Variants in APEH observed in about 807,000 individuals in gnomAD.
APEH encodes acylaminoacyl-peptide hydrolase, also known as acylamino-acid-releasing enzyme.
Under a neutral mutation model 102.7 loss-of-function variants are expected in APEH, and 75 were observed. The ratio of observed to expected loss-of-function variants is 0.73; its 90% CI spans 0.61 to 0.89. The LOEUF (loss-of-function observed/expected upper bound fraction) is 0.89, where lower values mean the gene tolerates loss of function less well. Among genes scored for constraint, APEH ranks in the 40% least tolerant of loss-of-function variants. APEH has a pLI of 0.00. For synonymous variants in APEH, 344 were observed against 362.7 expected, an observed-to-expected ratio of 0.95 and a Z score of 0.59; for missense variants, 863 against 941.2, an observed-to-expected ratio of 0.92 and a Z score of 1.09.
intron 2 of APEH, 107 bp downstream of exon 2, chr3:49,674,728 A>G: frequency 7.0e-7 from 1 of 1,431,544 alleles, no homozygotes; most frequent in African/African-American, 1.4e-5. Flanking sequence ...GTATATAGGG[A>G]GCCGGCCTGG....
At chr3:49,674,811 A>G (rs1310941233) in intron 2 of APEH, among the ~76,000 whole-genome samples, 190 bp downstream of exon 2, 1 of 152,072 alleles carries the variant, frequency 6.6e-6, no homozygotes, top group Non-Finnish European at 1.5e-5. Context: ...GCGGGGCGTT[A>G]TCGAATGGCG....
chr3:49,675,209 A>C lies in APEH; in HGVS notation c.172A>C (p.Met58Leu), dbSNP rs1338453354. The change falls in exon 3 of 22, where the codon ATG becomes CTG. Residue 58 changes from methionine to leucine, a missense_variant. Transcript: ENST00000296456. ...TEWTQRDLER[M>L]ENIRFCRQYL... is the part of the protein sequence containing the mutation. ...GTGGACCCAGAGGGACCTGGAACGC[A>C]TGGAGAACATTCGATTCTGCCGCCA... is the stretch of plus-strand genomic sequence containing the variant. 6.2e-7 allele frequency: 1 copy of C among 1,613,944 alleles called. No individual in the cohort carries two copies. The highest frequency in any genetic ancestry group is 1.7e-5 in the Admixed American group (1 of 59,998).
At chr3:49,678,549 G>C (rs1254415616) in intron 11 of APEH, among the ~76,000 whole-genome samples, 7 of 152,188 alleles carry the variant, frequency 4.6e-5, no homozygotes, top group Admixed American at 4.6e-4. Context: ...ACCTACCTGG[G>C]TTCAACTGGA....
chr3:49,681,709 C>T lies in APEH; in HGVS notation c.1439-13C>T. 1 of 1,564,056 alleles carries T rather than the reference C, an allele frequency of 6.4e-7. No homozygotes were observed. ...CTAGGCTCACCCTGCTGACTGCTGCCCTCTCCCTGCAGCTGGCCTTGACTT... is the reference window on the plus strand; with the variant it reads ...CTAGGCTCACCCTGCTGACTGCTGCTCTCTCCCTGCAGCTGGCCTTGACTT... On this transcript the variant is annotated splice_polypyrimidine_tract_variant and intron_variant, in intron 15 of 21. Coordinates refer to ENST00000296456, the MANE Select transcript of APEH (RefSeq NM_001640.4).
At position 49,679,447 on chromosome 3, in the gene APEH, G is replaced by A. The variant is rs2053222902; in HGVS notation, c.1159-146G>A. 1 of 793,920 alleles carries A rather than the reference G, an allele frequency of 1.3e-6. No homozygotes were observed. Among genetic ancestry groups the A allele is most frequent in the African/African-American group, 1.7e-5 (1 of 59,192 alleles). 49.2% of individuals were successfully genotyped at this position (793,920 alleles called of 1,614,324 possible). On this transcript the variant is annotated intron_variant, in intron 12 of 21. Coordinates refer to ENST00000296456, the MANE Select transcript of APEH (RefSeq NM_001640.4). This position sits in a 1 kb window ranked among gnomAD's most constrained non-coding sequence, Gnocchi z 4.3. The stretch of plus-strand genomic sequence containing the variant: ...CCAGGCCCTCACACTACTCCCTACT[G>A]CACTGAGTAACCATCACCATAGCTG...
At chr3:49,674,968 G>A (rs2052956478) in intron 2 of APEH, among the ~76,000 whole-genome samples, 1 of 152,198 alleles carries the variant, frequency 6.6e-6, no homozygotes, top group South Asian at 2.1e-4. Context: ...GGGTTACTAG[G>A]GGGTTCTCTC....
At chr3:49,676,263 G>A in intron 6 of APEH, 44 bp downstream of exon 6, 1 of 1,611,570 alleles carries the variant, frequency 6.2e-7, no homozygotes, top group African/African-American at 1.3e-5. Flanking sequence ...GCAGCCCTGG[G>A]GCTCAGTGTG....
Position 49,683,503 on chromosome 3 carries a change from A to G in APEH, c.*161A>G, listed in dbSNP as rs2053453403. On this transcript the variant is annotated 3_prime_UTR_variant, in exon 22 of 22. Transcript: ENST00000296456. ...GTAGTCATAATAAATTAGGACACAGAGCCTGGTTCCTGCTGGTACTTTGTA... is the reference window on the plus strand; with the variant it reads ...GTAGTCATAATAAATTAGGACACAGGGCCTGGTTCCTGCTGGTACTTTGTA... 3.1e-6 allele frequency: 2 copies of G among 644,238 alleles called. No homozygotes were observed. The highest frequency in any genetic ancestry group is 2.8e-5 in the East Asian group (1 of 35,722). The allele number at this position is 644,238 out of a possible 1,614,324, so 39.9% of individuals were successfully genotyped here.
At chr3:49,676,572 C>G (rs778365052) in intron 7 of APEH, 37 bp from the exon 8 acceptor site, 2 of 1,614,194 alleles carry the variant, frequency 1.2e-6, no homozygotes, top group South Asian at 2.2e-5. Flanking sequence ...TGAGCTACCA[C>G]CCCTTGCTCA....
intron 3 of APEH, 133 bp downstream of exon 3, chr3:49,675,442 T>G: frequency 3.0e-6 from 4 of 1,316,630 alleles, no homozygotes; most frequent in Non-Finnish European, 4.2e-6. Flanking sequence ...TCATTCAGTT[T>G]CTGGTGACAT....
chr3:49,679,811 G>A lies in APEH; in HGVS notation c.1210+167G>A, dbSNP rs1028147153. On this transcript the variant is annotated intron_variant, in intron 13 of 21. Transcript: ENST00000296456. This position sits in a 1 kb window ranked among gnomAD's most constrained non-coding sequence, Gnocchi z 4.3. ...TAACAGGTCCCCAAGGCCCCTGTCT[G>A]TGCAGACCCTTACCCAACCAACAGA... 3 of 665,664 alleles carry A rather than the reference G, an allele frequency of 4.5e-6. No individual in the cohort carries two copies. In the South Asian group the frequency reaches 5.3e-5, roughly 12 times the overall value. The allele number at this position is 665,664 out of a possible 1,614,324, so 41.2% of individuals were successfully genotyped here.
chr3:49,683,971 C>G lies in APEH; in HGVS notation c.*629C>G. ...GTACAGGCATAAAGAGGAAACATGG[C>G]TTTATGTCTGACAAGAAGTTTTGTC... On this transcript the variant is annotated 3_prime_UTR_variant, in exon 22 of 22. Coordinates refer to ENST00000296456, the MANE Select transcript of APEH (RefSeq NM_001640.4). 1 of 1,585,550 alleles carries G rather than the reference C, an allele frequency of 6.3e-7. No individual in the cohort carries two copies. Among genetic ancestry groups the G allele is most frequent in the Admixed American group, 1.8e-5 (1 of 57,022 alleles).
At chr3:49,675,082 T>C (rs41290712) in intron 2 of APEH, 101 bp from the exon 3 acceptor site, 261 of 1,477,816 alleles carry the variant, frequency 1.8e-4, no homozygotes, top group Non-Finnish European at 2.4e-4. Context: ...GATTGAGAGA[T>C]TGGGGAAGAT....
intron 2 of APEH, 97 bp downstream of exon 2, chr3:49,674,718 G>A (rs1160907211): frequency 2.0e-6 from 3 of 1,477,504 alleles, no homozygotes; most frequent in African/African-American, 1.4e-5. Flanking sequence ...GTGCGTAAGG[G>A]TATATAGGGA....
Position 49,675,282 on chromosome 3 carries a change from C to T in APEH, c.245C>T (p.Ala82Val), listed in dbSNP as rs370885638. The T allele has an allele frequency of 1.3e-5, 21 of 1,613,852 alleles. No homozygotes were observed. Among genetic ancestry groups the T allele is most frequent in the Admixed American group, 5.0e-5 (3 of 59,996 alleles). ...GACTCAGTGGTGTTTGCAGGACCTG[C>T]AGGCAACAGTGTGGAGACCCGGGGG... ...DGDSVVFAGPAGNSVETRGEL... is the reference protein window; with the variant it reads ...DGDSVVFAGPVGNSVETRGEL... Residue 82 changes from alanine to valine, a missense_variant, in exon 3 of 22, where the codon GCA becomes GTA. By Grantham distance (64) the Ala-to-Val change is moderately conservative. Coordinates refer to ENST00000296456, the MANE Select transcript of APEH (RefSeq NM_001640.4).
rs1285987404 is a variant in APEH at position 49,678,627 on chromosome 3, GCCTCTCTGGGT to G, written c.1061-211_1061-201del. 6.0e-4 allele frequency among the ~76,000 whole-genome samples: 92 copies of G among 152,254 alleles called. 2 individuals are homozygous for G. The highest frequency in any genetic ancestry group is 3.3e-4 in the Admixed American group (5 of 15,310). ...TTTCTCTCTGGAGCTCTTGAGCTCTGCCTCTCTGGGTCCTCTCTGGGTCCCAAGAGGCCTCT... is the reference window on the plus strand; with the variant it reads ...TTTCTCTCTGGAGCTCTTGAGCTCTGCCTCTCTGGGTCCCAAGAGGCCTCT... On this transcript the variant is annotated intron_variant, in intron 11 of 21. Transcript: ENST00000296456.
chr3:49,677,722 T>G, intron 11 of APEH, 89 bp downstream of exon 11: 1 of 1,336,278 alleles, frequency 7.5e-7, no homozygotes, highest in South Asian at 1.2e-5. Flanking sequence ...TCTTCTTTCC[T>G]AGGTTCCTTC....
chr3:49,681,531 G>A (rs1025565901), intron 15 of APEH, among the ~76,000 whole-genome samples, 191 bp from the exon 16 acceptor site: 3 of 152,234 alleles, frequency 2.0e-5, no homozygotes, highest in Non-Finnish European at 4.4e-5. Flanking sequence ...CCCGAATGCT[G>A]TTGCTGCAGG....
At chr3:49,677,441 A>G (rs959693673) in intron 10 of APEH, 132 bp from the exon 11 acceptor site, 3 of 836,330 alleles carry the variant, frequency 3.6e-6, no homozygotes, top group Admixed American at 1.9e-5. Flanking sequence ...ACCAGAAAAG[A>G]GATACATCAG....
Sources: gnomAD v4.1 joint callset for allele counts (sites outside exome capture counted in the v4.1 genomes callset) on GRCh38, gnomAD v4.1.1 for gene constraint, Gnocchi (gnomAD v3.1) non-coding constraint, MANE v1.5 for transcripts, NCBI Gene and HGNC (gene_info 2026-07-23, HGNC 2026-07-21) for gene names.